The following GLIS3 variants were observed in gnomAD, a reference collection of about 807,000 sequenced individuals.
GLIS3 encodes GLIS family zinc finger 3, also known as zinc finger protein GLIS3.
Under a neutral mutation model 78.6 loss-of-function variants are expected in GLIS3, and 53 were observed. That is an observed-to-expected ratio of 0.67 (90% CI 0.54 to 0.85). The LOEUF is 0.85. Among genes scored for constraint, GLIS3 ranks in the 40% least tolerant of loss-of-function variants. GLIS3 has a pLI of 0.00. For missense variants in GLIS3, 1,703 were observed against 1,231.1 expected (o/e 1.38, Z -5.74); for synonymous variants, 684 against 509.9 (o/e 1.34, Z -4.60).
intron 2 of GLIS3, among the ~76,000 whole-genome samples, chr9:4,180,265 C>G (rs1379863408): frequency 6.6e-6 from 1 of 152,176 alleles, no homozygotes; most frequent in Non-Finnish European, 1.5e-5. Context: ...ATCTCCAAAG[C>G]TACTCCGGTC....
chr9:4,434,511 G>T, the GLIS3 span, among the ~76,000 whole-genome samples: 6 of 152,138 alleles, frequency 3.9e-5, no homozygotes, highest in East Asian at 1.2e-3. Flanking sequence ...CTCAGGCAGG[G>T]AAACCAGCAG....
At chr9:3,919,960 G>A (rs1032646289) in intron 6 of GLIS3, among the ~76,000 whole-genome samples, 1 of 150,440 alleles carries the variant, frequency 6.6e-6, no homozygotes, top group African/African-American at 2.4e-5. Flanking sequence ...CATAACTAAG[G>A]AGAATAAAAA....
At chr9:4,270,119 C>A (rs1826370701) in intron 2 of GLIS3, among the ~76,000 whole-genome samples, 1 of 152,226 alleles carries the variant, frequency 6.6e-6, no homozygotes, top group Non-Finnish European at 1.5e-5. Flanking sequence ...TCTCTGAATA[C>A]TGGTTTCCAC....
At position 4,118,333 on chromosome 9, in the gene GLIS3, G is replaced by T. The variant is rs937756052; in HGVS notation, c.1145C>A (p.Pro382Gln). The stretch of plus-strand genomic sequence containing the variant: ...CAGGGCCCCGTCCTCGCCGTAGGCC[G>T]GCAGCGCCAGGCCTCCAGGGGCCAC... Reference protein sequence around the residue: ...VLVAPGGLALPAYGEDGALEH... With the variant: ...VLVAPGGLALQAYGEDGALEH... The change falls in exon 4 of 11, where the codon CCG (proline) becomes CAG (glutamine). Residue 382 changes from proline (P) to glutamine (Q), a missense_variant. Coordinates refer to ENST00000381971, the MANE Select transcript of GLIS3 (RefSeq NM_001042413.2). This position sits in a 1 kb window ranked among gnomAD's most constrained non-coding sequence, Gnocchi z 4.7. 35 of 1,575,016 alleles carry T rather than the reference G, an allele frequency of 2.2e-5. No homozygotes were observed. The highest frequency in any genetic ancestry group is 1.3e-4 in the Admixed American group (7 of 55,104).
chr9:4,092,820 G>C (rs970142820), intron 4 of GLIS3, among the ~76,000 whole-genome samples: 1 of 152,168 alleles, frequency 6.6e-6, no homozygotes, highest in African/African-American at 2.4e-5. Context: ...GTATAGTATA[G>C]TAAATACATA....
At chr9:4,134,031 T>C (rs966392387) in intron 2 of GLIS3, among the ~76,000 whole-genome samples, 16 of 152,208 alleles carry the variant, frequency 1.1e-4, no homozygotes, top group African/African-American at 3.6e-4. Context: ...AACATTTTAC[T>C]GCAAAACACT....
At chr9:4,120,909 A>C (rs1228763340) in intron 3 of GLIS3, among the ~76,000 whole-genome samples, 1 of 152,206 alleles carries the variant, frequency 6.6e-6, no homozygotes, top group Non-Finnish European at 1.5e-5. Context: ...TGAAACGTTC[A>C]TTTGCTCCAC....
chr9:4,248,973 G>C (rs1337727505), intron 2 of GLIS3, among the ~76,000 whole-genome samples: 1 of 152,138 alleles, frequency 6.6e-6, no homozygotes, highest in East Asian at 1.9e-4. Context: ...CCTCTGTTCT[G>C]TTCCATTAGT....
the GLIS3 span, among the ~76,000 whole-genome samples, chr9:4,446,449 T>C: frequency 2.6e-5 from 4 of 151,896 alleles, no homozygotes; most frequent in African/African-American, 4.8e-5. Context: ...TTACCCAGTG[T>C]AAGGTAGTTT....
chr9:4,224,494 G>T (rs535621254), intron 2 of GLIS3, among the ~76,000 whole-genome samples: 7 of 152,102 alleles, frequency 4.6e-5, no homozygotes, highest in Non-Finnish European at 8.8e-5. Flanking sequence ...TCATCATTAG[G>T]AAGAGTTCTG....
chr9:4,296,336 G>A (rs1816504481), intron 1 of GLIS3, among the ~76,000 whole-genome samples: 1 of 151,360 alleles, frequency 6.6e-6, no homozygotes, highest in African/African-American at 2.4e-5. Context: ...GCTCTCTTCT[G>A]GAATGGCAGA....
chr9:4,020,252 G>C (rs1338665883), intron 4 of GLIS3, among the ~76,000 whole-genome samples: 1 of 152,190 alleles, frequency 6.6e-6, no homozygotes, highest in Admixed American at 6.5e-5. Flanking sequence ...GGTAGGAATG[G>C]CTGTAAAAGG....
intron 9 of GLIS3, chr9:3,855,509 A>AGAC: frequency 5.3e-6 from 1 of 188,282 alleles, no homozygotes; most frequent in Non-Finnish European, 1.1e-5. Context: ...TACCAGAGAA[A>AGAC]GACAGGCGAT....
chr9:4,244,596 C>A (rs796433023), intron 2 of GLIS3, among the ~76,000 whole-genome samples: 7 of 151,814 alleles, frequency 4.6e-5, no homozygotes, highest in African/African-American at 1.7e-4. Context: ...TTTTTTGAGA[C>A]GGAGTTTTGC....
intron 2 of GLIS3, among the ~76,000 whole-genome samples, chr9:4,148,991 C>T (rs1011819900): frequency 6.7e-4 from 102 of 152,036 alleles, no homozygotes; most frequent in Non-Finnish European, 2.4e-4. Flanking sequence ...TGAAGCCCTC[C>T]GTGGAAACAA....
intron 2 of GLIS3, among the ~76,000 whole-genome samples, chr9:4,242,845 T>A (rs2129728612): frequency 6.6e-6 from 1 of 152,264 alleles, no homozygotes; most frequent in East Asian, 1.9e-4. Flanking sequence ...ACATAAAATA[T>A]ATTATTAATA....
At position 3,994,828 on chromosome 9, in the gene GLIS3, A is replaced by C. The variant is rs112499542; in HGVS notation, c.1711-57639T>G. ...GCAGCACATCTAAAAATGGCGGCTA[A>C]AGTGTTTAAAAGAATCTCTTTTTTA... On this transcript the variant is annotated intron_variant, in intron 4 of 10. Transcript: ENST00000381971. Among the ~76,000 whole-genome samples the C allele has an allele frequency of 4.9e-3, 743 of 152,300 alleles. 10 individuals are homozygous for C. The highest frequency in any genetic ancestry group is 0.017 in the African/African-American group (700 of 41,566).
chr9:4,330,564 G>A (rs1402908672), intron 2 of GLIS3, among the ~76,000 whole-genome samples: 1 of 152,020 alleles, frequency 6.6e-6, no homozygotes, highest in South Asian at 2.1e-4. Context: ...GGTTGAGATG[G>A]AGATGAAGAG....
intron 2 of GLIS3, among the ~76,000 whole-genome samples, chr9:4,140,039 A>G (rs1833690826): frequency 6.6e-6 from 1 of 152,188 alleles, no homozygotes; most frequent in Admixed American, 6.5e-5. Context: ...CATATTAGAT[A>G]TAACTTCTTA....
Sources: allele counts gnomAD v4.1 joint callset (sites outside exome capture counted in the v4.1 genomes callset), GRCh38; gene constraint gnomAD v4.1.1; non-coding constraint Gnocchi (gnomAD v3.1); transcripts MANE v1.5; gene names NCBI Gene and HGNC (gene_info 2026-07-23, HGNC 2026-07-21).